Variants in TMEM135 observed in about 807,000 individuals in gnomAD.
TMEM135 encodes transmembrane protein 135, also known as peroxisomal membrane protein 52.
TMEM135 carries 30 observed loss-of-function variants against 60.3 expected under a neutral mutation model. The ratio of observed to expected loss-of-function variants is 0.50; its 90% CI spans 0.37 to 0.68. The LOEUF (loss-of-function observed/expected upper bound fraction) is 0.68. TMEM135 is among the 30% of genes least tolerant of loss of function. TMEM135 has a pLI of 0.00. For synonymous variants in TMEM135, 190 were observed against 186.7 expected, an observed-to-expected ratio of 1.02 and a Z score of -0.14; for missense variants, 468 against 548.8, an observed-to-expected ratio of 0.85 and a Z score of 1.47.
chr11:87,150,414 T>C (rs1025338977), intron 4 of TMEM135, among the ~76,000 whole-genome samples: 4 of 152,202 alleles, frequency 2.6e-5, no homozygotes, highest in African/African-American at 9.6e-5. Flanking sequence ...TGTTTTGGTT[T>C]ACACATTACT....
intron 4 of TMEM135, among the ~76,000 whole-genome samples, chr11:87,115,961 A>T (rs1276624674): frequency 6.6e-6 from 1 of 152,084 alleles, no homozygotes; most frequent in Non-Finnish European, 1.5e-5. Flanking sequence ...ATAAATTAAA[A>T]ATATTAATCT....
intron 11 of TMEM135, among the ~76,000 whole-genome samples, chr11:87,314,065 A>G (rs1281529315): frequency 6.6e-6 from 1 of 151,832 alleles, no homozygotes; most frequent in Non-Finnish European, 1.5e-5. Flanking sequence ...GGAGAGAAGT[A>G]TTGTGATAGC....
chr11:87,188,068 TGA>T (rs918320523), intron 5 of TMEM135, among the ~76,000 whole-genome samples: 3 of 151,404 alleles, frequency 2.0e-5, no homozygotes, highest in Non-Finnish European at 2.9e-5. Flanking sequence ...TGTTGAACAA[TGA>T]GAGAGAGAGC....
intron 5 of TMEM135, among the ~76,000 whole-genome samples, chr11:87,223,065 A>C (rs1940678966): frequency 2.0e-5 from 3 of 152,092 alleles, no homozygotes; most frequent in African/African-American, 7.3e-5. Context: ...TATAATAAGC[A>C]TAGGAAGCTT....
At chr11:87,185,719 A>G (rs1322324686) in intron 5 of TMEM135, among the ~76,000 whole-genome samples, 1 of 152,120 alleles carries the variant, frequency 6.6e-6, no homozygotes, top group Non-Finnish European at 1.5e-5. Flanking sequence ...GTATTCTTCA[A>G]CTATTTGGTT....
intron 7 of TMEM135, among the ~76,000 whole-genome samples, chr11:87,296,215 G>A (rs915769592): frequency 3.3e-5 from 5 of 152,066 alleles, no homozygotes; most frequent in African/African-American, 7.2e-5. Context: ...ACACAGATTC[G>A]ATTTTAAGTA....
intron 11 of TMEM135, 50 bp from the exon 12 acceptor site, chr11:87,314,418 TAAC>T: frequency 1.1e-5 from 16 of 1,460,736 alleles, no homozygotes; most frequent in Non-Finnish European, 1.5e-5. Context: ...GATGACATAA[TAAC>T]AAATAAATAC....
At chr11:87,070,898 A>G (rs1856763161) in intron 2 of TMEM135, among the ~76,000 whole-genome samples, 1 of 152,246 alleles carries the variant, frequency 6.6e-6, no homozygotes, top group African/African-American at 2.4e-5. Flanking sequence ...AAATAGTCAT[A>G]ATAATAGTGA....
intron 6 of TMEM135, among the ~76,000 whole-genome samples, chr11:87,269,578 G>T: frequency 6.7e-6 from 1 of 150,304 alleles, no homozygotes; most frequent in Admixed American, 6.6e-5. Flanking sequence ...TCCCACCTAT[G>T]AGTGAGAACA....
intron 5 of TMEM135, among the ~76,000 whole-genome samples, chr11:87,195,178 T>G (rs1256020677): frequency 6.6e-6 from 1 of 152,200 alleles, no homozygotes. Context: ...CATCCAAATT[T>G]AGGTAATTTA....
At chr11:87,248,525 G>A (rs755618654) in intron 6 of TMEM135, among the ~76,000 whole-genome samples, 4 of 152,116 alleles carry the variant, frequency 2.6e-5, no homozygotes, top group Non-Finnish European at 5.9e-5. Context: ...TGTAATTGTA[G>A]TGTAATTTGA....
At chr11:87,207,990 C>T (rs1209617964) in intron 5 of TMEM135, among the ~76,000 whole-genome samples, 1 of 151,960 alleles carries the variant, frequency 6.6e-6, no homozygotes, top group Admixed American at 6.6e-5. Context: ...CTAAAAACAT[C>T]AATAAACAAA....
intron 3 of TMEM135, 141 bp from the exon 4 acceptor site, chr11:87,091,221 A>G: frequency 1.5e-6 from 1 of 673,534 alleles, no homozygotes; most frequent in Non-Finnish European, 2.4e-6. Flanking sequence ...TTAGTTCGGC[A>G]TAATTTACCT....
At chr11:87,171,555 C>G (rs1490869386) in intron 5 of TMEM135, among the ~76,000 whole-genome samples, 1 of 152,110 alleles carries the variant, frequency 6.6e-6, no homozygotes, top group South Asian at 2.1e-4. Flanking sequence ...TGAAAAAATA[C>G]TCGTCTGCAT....
At position 87,286,169 on chromosome 11, in the gene TMEM135, A is replaced by G. The variant is rs567815933; in HGVS notation, c.510-9613A>G. 1.1e-3 allele frequency among the ~76,000 whole-genome samples: 171 copies of G among 151,356 alleles called. 3 individuals are homozygous for G. The highest frequency in any genetic ancestry group is 8.6e-3 in the Admixed American group (131 of 15,218). ...TCCAAGTCCCCACTAGATTAGCTAG[A>G]CACAGAGCACTGATTGGTGCATTTA... On this transcript the variant is annotated intron_variant, in intron 6 of 14. Transcript: ENST00000305494.
At chr11:87,283,195 G>A (rs1942099757) in intron 6 of TMEM135, among the ~76,000 whole-genome samples, 1 of 151,906 alleles carries the variant, frequency 6.6e-6, no homozygotes, top group Non-Finnish European at 1.5e-5. Context: ...TTAGCCAGGT[G>A]TGGTACCAGG....
chr11:87,308,697 T>G (rs1942592133), intron 9 of TMEM135, among the ~76,000 whole-genome samples: 1 of 152,186 alleles, frequency 6.6e-6, no homozygotes, highest in South Asian at 2.1e-4. Flanking sequence ...TTATGCTGAT[T>G]GAAATTTTTC....
chr11:87,185,172 A>G (rs1382464235), intron 5 of TMEM135, among the ~76,000 whole-genome samples: 1 of 152,214 alleles, frequency 6.6e-6, no homozygotes, highest in Non-Finnish European at 1.5e-5. Context: ...TTTTAAAAAT[A>G]TAAACACAAT....
intron 5 of TMEM135, among the ~76,000 whole-genome samples, chr11:87,159,617 A>ACACACCCCCCC (rs140303858): frequency 2.0e-5 from 3 of 149,458 alleles, no homozygotes; most frequent in African/African-American, 5.0e-5. Flanking sequence ...ACACACACAC[A>ACACACCCCCCC]CCATAGATTT....
Sources: allele counts gnomAD v4.1 joint callset (sites outside exome capture counted in the v4.1 genomes callset), GRCh38; gene constraint gnomAD v4.1.1; transcripts MANE v1.5; gene names NCBI Gene and HGNC (gene_info 2026-07-23, HGNC 2026-07-21).